Variants in THADA observed in about 807,000 individuals in gnomAD.
THADA encodes THADA armadillo repeat containing.
A neutral mutation model predicts 219.8 loss-of-function variants in THADA; 213 were observed. That is an observed-to-expected ratio of 0.97 (90% CI 0.87 to 1.09). THADA has a LOEUF of 1.09. Among genes scored for constraint, THADA ranks in the 50% least tolerant of loss-of-function variants. The probability of loss-of-function intolerance (pLI) is 0.00; values close to 1 mark genes in which losing one functional copy is unlikely to be tolerated. For missense variants in THADA, 2,956 were observed against 2,311.3 expected (o/e 1.28, Z -5.72); for synonymous variants, 1,018 against 828.9 (o/e 1.23, Z -3.92).
intron 30 of THADA, among the ~76,000 whole-genome samples, chr2:43,339,323 C>T (rs558974681): frequency 1.3e-5 from 2 of 152,332 alleles, no homozygotes; most frequent in East Asian, 1.9e-4. Context: ...CTCTGTTGCT[C>T]GGGTTGGAAT....
At chr2:43,448,416 C>T (rs971049730) in intron 26 of THADA, among the ~76,000 whole-genome samples, 1 of 152,144 alleles carries the variant, frequency 6.6e-6, no homozygotes, top group African/African-American at 2.4e-5. Flanking sequence ...GTGCTTTGAT[C>T]AATGGTTGCT....
At chr2:43,389,988 C>T (rs1420243579) in intron 29 of THADA, among the ~76,000 whole-genome samples, 3 of 152,192 alleles carry the variant, frequency 2.0e-5, no homozygotes, top group Non-Finnish European at 4.4e-5. Context: ...TTGTATCCTC[C>T]ACAGTACCTG....
At chr2:43,542,949 G>A (rs1219968430) in intron 20 of THADA, among the ~76,000 whole-genome samples, 1 of 151,632 alleles carries the variant, frequency 6.6e-6, no homozygotes, top group Non-Finnish European at 1.5e-5. Context: ...CATGTGCCAT[G>A]CTGGTGTGCT....
At position 43,293,183 on chromosome 2, in the gene THADA, A is replaced by T. The variant is rs1164392015; in HGVS notation, c.4469T>A (p.Val1490Asp). ...VLESLGFWEE[V>D]RGIISGSELI... ...CTCTGATCCTGAGATAATCCCTCTG[A>T]CTTCCTCCCAGAAGCCAAGACTCTC... is the stretch of plus-strand genomic sequence containing the variant. Residue 1490 changes from valine (V) to aspartate (D), a missense_variant, in exon 32 of 38, where the codon GTC becomes GAC. Transcript: ENST00000405975. 1 of 1,612,740 alleles carries T rather than the reference A, an allele frequency of 6.2e-7. No homozygotes were observed. Among genetic ancestry groups the T allele is most frequent in the Non-Finnish European group, 8.5e-7 (1 of 1,179,086 alleles).
chr2:43,253,691 T>G (rs558451381), intron 36 of THADA, among the ~76,000 whole-genome samples: 19 of 152,308 alleles, frequency 1.2e-4, no homozygotes, highest in Non-Finnish European at 2.2e-4. Flanking sequence ...TCTCCTCTCC[T>G]GAGCTACTCA....
At position 43,231,313 on chromosome 2, in the gene THADA, C is replaced by A; in HGVS notation, c.5497G>T (p.Glu1833Ter). ...AGGGTCTCGGCCCAAAAGTTGACTT[C>A]TGCTTTTTCAAACAGGTAGTCTTCT... is the stretch of plus-strand genomic sequence containing the variant. ...VEEDYLFEKAEVNFWAETLIF... is the reference protein window; with the variant it reads ...VEEDYLFEKA Residue 1833 changes from glutamate to a stop codon, truncating the protein, a stop_gained, in exon 38 of 38, where the codon GAA (glutamate) becomes TAA (stop). Transcript: ENST00000405975. LOFTEE classifies it low-confidence loss of function (END_TRUNC). 2 of 1,565,248 alleles carry A rather than the reference C, an allele frequency of 1.3e-6. No homozygotes were observed. The highest frequency in any genetic ancestry group is 8.6e-7 in the Non-Finnish European group (1 of 1,160,058).
At chr2:43,583,156 G>C (rs1287974457) in intron 7 of THADA, among the ~76,000 whole-genome samples, 1 of 152,102 alleles carries the variant, frequency 6.6e-6, no homozygotes, top group Admixed American at 6.6e-5. Context: ...CTAACTTCCT[G>C]ATATTTTTAC....
Position 43,398,151 on chromosome 2 carries a change from T to C in THADA, c.4059-12A>G, listed in dbSNP as rs1284511510. 4 of 1,612,450 alleles carry C rather than the reference T, an allele frequency of 2.5e-6. No homozygotes were observed. Among genetic ancestry groups the C allele is most frequent in the Middle Eastern group, 1.7e-4 (1 of 6,050 alleles). On this transcript the variant is annotated splice_polypyrimidine_tract_variant and intron_variant, in intron 28 of 37. Coordinates refer to ENST00000405975, the MANE Select transcript of THADA (RefSeq NM_022065.5). ...GTGAGTGACCACACCTGGGGAGAAA[T>C]AAAAACACAAGACCATTCAATAGTC...
intron 29 of THADA, among the ~76,000 whole-genome samples, chr2:43,375,321 A>G (rs11693201): frequency 0.061 from 9,319 of 152,284 alleles, 384 homozygotes; most frequent in South Asian, 0.18. Context: ...ATCATCCTCT[A>G]GCCACCACAT....
chr2:43,265,930 AACAC>A (rs56173099), intron 36 of THADA, among the ~76,000 whole-genome samples: 7,436 of 124,332 alleles, frequency 0.06, 175 homozygotes, highest in Admixed American at 0.08. Flanking sequence ...TTACTTTTGA[AACAC>A]ACACACACAC....
At chr2:43,419,922 T>A (rs1392100137) in intron 28 of THADA, among the ~76,000 whole-genome samples, 18 of 152,252 alleles carry the variant, frequency 1.2e-4, no homozygotes, top group Admixed American at 8.5e-4. Context: ...GCACCATCAA[T>A]GGTTTCTCCT....
At chr2:43,589,614 T>C (rs187534443) in intron 4 of THADA, among the ~76,000 whole-genome samples, 1 of 152,310 alleles carries the variant, frequency 6.6e-6, no homozygotes, top group Admixed American at 6.5e-5. Context: ...TTCTCACTCA[T>C]AAGTGGAAGC....
chr2:43,581,483 G>A (rs754114786), intron 8 of THADA, among the ~76,000 whole-genome samples: 2 of 148,652 alleles, frequency 1.3e-5, no homozygotes, highest in Non-Finnish European at 3.0e-5. Flanking sequence ...TGCAGAGGTT[G>A]CAGTGAATAA....
intron 29 of THADA, among the ~76,000 whole-genome samples, chr2:43,385,381 CG>C (rs1308220444): frequency 6.6e-6 from 1 of 151,788 alleles, no homozygotes; most frequent in Admixed American, 6.6e-5. Context: ...CCGAGGCAGG[CG>C]GATCACGAGG....
At chr2:43,536,884 T>C (rs1417478186) in intron 21 of THADA, among the ~76,000 whole-genome samples, 2 of 152,198 alleles carry the variant, frequency 1.3e-5, no homozygotes, top group Non-Finnish European at 2.9e-5. Context: ...AGATTATGCA[T>C]TTAAGTGTTT....
At chr2:43,396,514 G>A (rs1674056275) in intron 29 of THADA, among the ~76,000 whole-genome samples, 1 of 152,186 alleles carries the variant, frequency 6.6e-6, no homozygotes, top group East Asian at 1.9e-4. Flanking sequence ...AAACAACCAA[G>A]GAACGGCCAG....
At chr2:43,328,848 C>G (rs1438042735) in intron 30 of THADA, among the ~76,000 whole-genome samples, 1 of 152,204 alleles carries the variant, frequency 6.6e-6, no homozygotes, top group Non-Finnish European at 1.5e-5. Context: ...AGGAAGCCCA[C>G]AGCTTCAATG....
At chr2:43,528,078 A>G in intron 21 of THADA, 90 bp from the exon 22 acceptor site, 1 of 637,186 alleles carries the variant, frequency 1.6e-6, no homozygotes, top group Admixed American at 2.4e-5. Flanking sequence ...ACCCAGGTCT[A>G]GGGGTCCATT....
At chr2:43,588,885 G>T (rs964845548) in intron 4 of THADA, among the ~76,000 whole-genome samples, 10 of 152,004 alleles carry the variant, frequency 6.6e-5, no homozygotes, top group African/African-American at 2.4e-4. Context: ...ATGGGGAAGT[G>T]ATTAAATTAC....
Sources: allele counts gnomAD v4.1 joint callset (sites outside exome capture counted in the v4.1 genomes callset), GRCh38; gene constraint gnomAD v4.1.1; transcripts MANE v1.5; gene names NCBI Gene and HGNC (gene_info 2026-07-23, HGNC 2026-07-21).